The following MTMR7 variants were observed in gnomAD, a reference collection of about 807,000 sequenced individuals.
MTMR7 encodes phosphatidylinositol-3-phosphate phosphatase MTMR7.
A neutral mutation model predicts 81.2 loss-of-function variants in MTMR7; 76 were observed. The ratio of observed to expected loss-of-function variants is 0.94; its 90% CI spans 0.78 to 1.13. The LOEUF (loss-of-function observed/expected upper bound fraction) is 1.13, where lower values mean the gene tolerates loss of function less well. Among genes scored for constraint, MTMR7 ranks in the 50% most tolerant of loss-of-function variants. The pLI is 0.00. For synonymous variants in MTMR7, 372 were observed against 289.8 expected (o/e 1.28, Z -2.88); for missense variants, 1,044 against 820.0 (o/e 1.27, Z -3.34).
intron 1 of MTMR7, among the ~76,000 whole-genome samples, chr8:17,382,858 C>A (rs1341723400): frequency 6.6e-6 from 1 of 152,166 alleles, no homozygotes; most frequent in African/African-American, 2.4e-5. Flanking sequence ...TAATATTGCA[C>A]TTTAAAATAC....
rs543155276 is a variant in MTMR7, at chr8:17,363,800, A to G, written c.311-2526T>C. Among the ~76,000 whole-genome samples, 4 of 152,136 alleles carry G rather than the reference A, an allele frequency of 2.6e-5. No homozygotes were observed. In the South Asian group the frequency reaches 6.2e-4, roughly 24 times the overall value. On this transcript the variant is annotated intron_variant, in intron 3 of 13. Transcript: ENST00000180173. The stretch of plus-strand genomic sequence containing the variant: ...TCGAAAAGCGCCACTAGCACAGATG[A>G]AAGTTTTACTGAATTGTTCCCATGT...
intron 1 of MTMR7, among the ~76,000 whole-genome samples, chr8:17,374,132 G>A (rs1820500654): frequency 6.6e-6 from 1 of 152,186 alleles, no homozygotes. Flanking sequence ...AGCCAAAATG[G>A]TATTTGCTTC....
At chr8:17,355,946 G>T (rs1176798079) in intron 4 of MTMR7, among the ~76,000 whole-genome samples, 2 of 152,088 alleles carry the variant, frequency 1.3e-5, no homozygotes, top group Non-Finnish European at 2.9e-5. Flanking sequence ...TTATATAAAT[G>T]AAACAATACC....
At chr8:17,335,606 C>T (rs1417510336) in intron 6 of MTMR7, among the ~76,000 whole-genome samples, 1 of 152,160 alleles carries the variant, frequency 6.6e-6, no homozygotes, top group Non-Finnish European at 1.5e-5. Flanking sequence ...CTTGGTCTTG[C>T]CCTAACACAG....
intron 2 of MTMR7, among the ~76,000 whole-genome samples, chr8:17,371,524 A>C (rs1254412866): frequency 6.6e-6 from 1 of 152,198 alleles, no homozygotes; most frequent in Non-Finnish European, 1.5e-5. Flanking sequence ...AGCTAAAATT[A>C]AATAAGGTCA....
intron 1 of MTMR7, among the ~76,000 whole-genome samples, chr8:17,398,043 G>C (rs928545632): frequency 1.3e-5 from 2 of 152,124 alleles, no homozygotes; most frequent in African/African-American, 4.8e-5. Context: ...TAAAGCCCGA[G>C]GGCTCTTGAA....
At chr8:17,323,236 C>T (rs775979520) in intron 7 of MTMR7, among the ~76,000 whole-genome samples, 4 of 151,984 alleles carry the variant, frequency 2.6e-5, no homozygotes, top group Non-Finnish European at 5.9e-5. Context: ...TATGAGCCAC[C>T]ACACCCAGCC....
chr8:17,323,036 C>T (rs1818484952), intron 7 of MTMR7, among the ~76,000 whole-genome samples: 1 of 147,616 alleles, frequency 6.8e-6, no homozygotes, highest in African/African-American at 2.5e-5. Context: ...TAACCTCCAC[C>T]TCCCGGATTC....
At chr8:17,336,917 G>C (rs2150537655) in intron 6 of MTMR7, among the ~76,000 whole-genome samples, 1 of 152,288 alleles carries the variant, frequency 6.6e-6, no homozygotes, top group Non-Finnish European at 1.5e-5. Context: ...AGCGAGTGTG[G>C]GCTCTGGGGT....
chr8:17,313,255 A>T (rs1285454917), intron 8 of MTMR7, 37 bp downstream of exon 8: 2 of 1,498,426 alleles, frequency 1.3e-6, no homozygotes, highest in Admixed American at 1.7e-5. Flanking sequence ...TGGTTTGCTC[A>T]TCTGTCCCTT....
intron 2 of MTMR7, 117 bp from the exon 3 acceptor site, chr8:17,371,316 G>C (rs1820414199): frequency 8.6e-7 from 1 of 1,166,724 alleles, no homozygotes; most frequent in South Asian, 1.6e-5. Context: ...CCTCCAGCTA[G>C]CTCAACCCTT....
At chr8:17,394,763 GTGTC>G (rs2150579774) in intron 1 of MTMR7, among the ~76,000 whole-genome samples, 1 of 152,184 alleles carries the variant, frequency 6.6e-6, no homozygotes, top group South Asian at 2.1e-4. Flanking sequence ...TTTTAACTGA[GTGTC>G]TGACATCAGA....
At position 17,297,645 on chromosome 8, in the gene MTMR7, A is replaced by C. The variant is rs1195703644; in HGVS notation, c.*2217T>G. ...GTAATATGCCTCAAATCAGTTTTAT[A>C]CTGGATTATTCCCTATGCTTTAAAC... On this transcript the variant is annotated 3_prime_UTR_variant, in exon 14 of 14. Coordinates refer to ENST00000180173, the MANE Select transcript of MTMR7 (RefSeq NM_004686.5). The C allele has an allele frequency of 6.6e-6, 1 of 152,078 alleles. No individual in the cohort carries two copies. The highest frequency in any genetic ancestry group is 2.4e-5 in the African/African-American group (1 of 41,454). The allele number at this position is 152,078 out of a possible 1,614,324, so 9.4% of individuals were successfully genotyped here. A position where few individuals can be genotyped will look rare whatever the true frequency, so the allele number is the denominator to read the frequency against.
chr8:17,339,257 T>C (rs1159416730), intron 6 of MTMR7, among the ~76,000 whole-genome samples: 2 of 152,184 alleles, frequency 1.3e-5, no homozygotes, highest in Non-Finnish European at 2.9e-5. Context: ...CTTTTTTTAA[T>C]ACCTTCACTG....
chr8:17,335,746 T>G (rs752368804), intron 6 of MTMR7, among the ~76,000 whole-genome samples: 2 of 152,244 alleles, frequency 1.3e-5, no homozygotes, highest in East Asian at 3.8e-4. Context: ...ACTGTGCTAG[T>G]CAAAATCCTC....
At chr8:17,375,188 G>T (rs544771711) in intron 1 of MTMR7, among the ~76,000 whole-genome samples, 101 of 152,146 alleles carry the variant, frequency 6.6e-4, no homozygotes, top group Middle Eastern at 6.8e-3. Context: ...AGCAGACCTC[G>T]TGAACATTCC....
In MTMR7 at chr8:17,309,128, T is replaced by C. The variant is rs1817648469; in HGVS notation, c.1151+149A>G. 1.8e-5 allele frequency: 11 copies of C among 607,088 alleles called. No homozygotes were observed. The South Asian group carries it at 2.2e-4, about 12-fold the overall frequency. 37.6% of individuals were successfully genotyped at this position (607,088 alleles called of 1,614,324 possible). ...AATCAGTTATAACTTCATTTATCTATGATATGACATATACAACAAAATTTA... is the reference window on the plus strand; with the variant it reads ...AATCAGTTATAACTTCATTTATCTACGATATGACATATACAACAAAATTTA... On this transcript the variant is annotated intron_variant, in intron 10 of 13. Transcript: ENST00000180173.
chr8:17,322,851 T>C (rs1818470233), intron 7 of MTMR7, among the ~76,000 whole-genome samples: 2 of 152,090 alleles, frequency 1.3e-5, no homozygotes, highest in Non-Finnish European at 2.9e-5. Flanking sequence ...TGTATGTGTG[T>C]GCCCATTTCT....
chr8:17,325,380 G>A (rs974929222), intron 7 of MTMR7, among the ~76,000 whole-genome samples: 1 of 152,194 alleles, frequency 6.6e-6, no homozygotes, highest in African/African-American at 2.4e-5. Flanking sequence ...ACCTTTGCGT[G>A]GAAGAACAGA....
Sources: gnomAD v4.1 joint callset for allele counts (sites outside exome capture counted in the v4.1 genomes callset) on GRCh38, gnomAD v4.1.1 for gene constraint, MANE v1.5 for transcripts, NCBI Gene and HGNC (gene_info 2026-07-23, HGNC 2026-07-21) for gene names.